Variants in XK observed in about 807,000 individuals in gnomAD.
XK encodes the protein endoplasmic reticulum membrane adapter protein XK.
Under a neutral mutation model 14.0 loss-of-function variants are expected in XK, and 2 were observed. The observed-to-expected ratio is 0.14, with a 90% CI of 0.06 to 0.45. XK has a LOEUF of 0.45. Among genes scored for constraint, XK ranks in the 20% least tolerant of loss-of-function variants. The pLI is 0.98. For missense variants in XK, 235 were observed against 341.5 expected, an observed-to-expected ratio of 0.69 and a Z score of 2.46; for synonymous variants, 149 against 147.5, an observed-to-expected ratio of 1.01 and a Z score of -0.08.
intron 2 of XK, among the ~76,000 whole-genome samples, chrX:37,713,399 C>T (rs1927704177): frequency 9.0e-6 from 1 of 111,606 alleles, no homozygotes; most frequent in Non-Finnish European, 1.9e-5. Context: ...ATCATTTTTG[C>T]TTGATCCTAT....
chrX:37,728,676 A>G lies in XK; in HGVS notation c.*214A>G. ...TGTTGAAGGGGCAACCCAAGGCATCACAGTTCACAGGTAACCATGTTGTGT... is the reference window on the plus strand; with the variant it reads ...TGTTGAAGGGGCAACCCAAGGCATCGCAGTTCACAGGTAACCATGTTGTGT... On this transcript the variant is annotated 3_prime_UTR_variant, in exon 3 of 3. Transcript: ENST00000378616. The G allele has an allele frequency of 2.3e-6, 1 of 437,692 alleles. No homozygotes were observed. Among genetic ancestry groups the G allele is most frequent in the Non-Finnish European group, 4.0e-6 (1 of 251,092 alleles). 36.1% of individuals were successfully genotyped at this position (437,692 alleles called of 1,213,427 possible).
chrX:37,706,794 T>C (rs1390316403), intron 2 of XK, among the ~76,000 whole-genome samples: 4 of 109,340 alleles, frequency 3.7e-5, no homozygotes, highest in Non-Finnish European at 5.7e-5. Flanking sequence ...TCTGCAGTGT[T>C]TGTGTCCCTG....
rs1928062422 is a variant in XK, at chrX:37,730,343, C to T, written c.*1881C>T. ...GTAATCACATATGTGCATAGATACA[C>T]AATCGTATTACATAAAACACCCTTG... On this transcript the variant is annotated 3_prime_UTR_variant, in exon 3 of 3. Coordinates refer to ENST00000378616, the MANE Select transcript of XK (RefSeq NM_021083.4). 1 of 112,273 alleles carries T rather than the reference C, an allele frequency of 8.9e-6. No homozygotes were observed. Among genetic ancestry groups the T allele is most frequent in the Non-Finnish European group, 1.9e-5 (1 of 53,224 alleles). The allele number at this position is 112,273 out of a possible 1,213,427, so 9.3% of individuals were successfully genotyped here. A position where few individuals can be genotyped will look rare whatever the true frequency, so the allele number is the denominator to read the frequency against.
At chrX:37,710,811 A>T (rs1310570562) in intron 2 of XK, among the ~76,000 whole-genome samples, 1 of 112,210 alleles carries the variant, frequency 8.9e-6, no homozygotes, top group African/African-American at 3.2e-5. Flanking sequence ...GACTTGTCAG[A>T]TAGCCTATAT....
chrX:37,702,628 C>T (rs1556444097), intron 2 of XK, among the ~76,000 whole-genome samples: 1 of 111,875 alleles, frequency 8.9e-6, no homozygotes, highest in Admixed American at 9.4e-5. Context: ...CTAGCTACTG[C>T]ACCATGAAGA....
chrX:37,721,984 C>G (rs782063874), intron 2 of XK, among the ~76,000 whole-genome samples: 76 of 110,938 alleles, frequency 6.9e-4, no homozygotes, highest in African/African-American at 2.4e-3. Flanking sequence ...ATATGAAAGT[C>G]CAGAATAGGG....
chrX:37,722,465 C>T (rs1569475218), intron 2 of XK, among the ~76,000 whole-genome samples: 1 of 111,090 alleles, frequency 9.0e-6, no homozygotes. Flanking sequence ...GGCTCCAGAT[C>T]GTAAGAAAGA....
chrX:37,693,564 C>T (rs1313447161), intron 1 of XK, among the ~76,000 whole-genome samples: 1 of 106,343 alleles, frequency 9.4e-6, no homozygotes, highest in Non-Finnish European at 1.9e-5. Context: ...CATATTTTTA[C>T]CTAGAGAGGA....
At chrX:37,688,059 C>CTTTTTTT in intron 1 of XK, among the ~76,000 whole-genome samples, 1 of 54,662 alleles carries the variant, frequency 1.8e-5, no homozygotes, top group Non-Finnish European at 3.2e-5. Context: ...TTCTTTCTTT[C>CTTTTTTT]TTTTTTTTTT....
chrX:37,712,138 GC>G (rs1208335183), intron 2 of XK, among the ~76,000 whole-genome samples: 1 of 111,016 alleles, frequency 9.0e-6, no homozygotes, highest in African/African-American at 3.3e-5. Context: ...GTATTTGGGG[GC>G]AGGCTGAATA....
rs1928098652 is a variant in XK, at chrX:37,731,923, T to C, written c.*3461T>C. ...TTTCAGCCTTGTAAATGGGAAAATA[T>C]ATATTAAAATTGATTGTCAAATACA... is the stretch of plus-strand genomic sequence containing the variant. On this transcript the variant is annotated 3_prime_UTR_variant, in exon 3 of 3. Transcript: ENST00000378616. 2 of 112,117 alleles carry C rather than the reference T, an allele frequency of 1.8e-5. No individual in the cohort carries two copies. Among genetic ancestry groups the C allele is most frequent in the South Asian group, 3.7e-4 (1 of 2,699 alleles). 9.2% of individuals were successfully genotyped at this position (112,117 alleles called of 1,213,427 possible).
intron 1 of XK, among the ~76,000 whole-genome samples, chrX:37,688,356 G>T (rs920566469): frequency 2.1e-4 from 23 of 111,189 alleles, no homozygotes; most frequent in African/African-American, 7.2e-4. Context: ...GTGAGCCACC[G>T]TGCCCGGCCT....
chrX:37,703,425 G>C (rs1216424895), intron 2 of XK, among the ~76,000 whole-genome samples: 2 of 112,298 alleles, frequency 1.8e-5, no homozygotes, highest in Admixed American at 1.9e-4. Context: ...CATGAAAGGA[G>C]AGGCAGAACT....
At position 37,728,816 on chromosome X, in the gene XK, A is replaced by G. The variant is rs992826285; in HGVS notation, c.*354A>G. The G allele has an allele frequency of 5.1e-6, 1 of 196,351 alleles. No individual in the cohort carries two copies. Among genetic ancestry groups the G allele is most frequent in the Non-Finnish European group, 9.4e-6 (1 of 105,952 alleles). 16.2% of individuals were successfully genotyped at this position (196,351 alleles called of 1,213,427 possible). ...GGGCTTACCTGTTCTCTAGTTTTCC[A>G]GACTGCTGGTTTGGGTAACCTGAAG... is the stretch of plus-strand genomic sequence containing the variant. On this transcript the variant is annotated 3_prime_UTR_variant, in exon 3 of 3. Transcript: ENST00000378616.
intron 2 of XK, among the ~76,000 whole-genome samples, chrX:37,698,543 CAAAAAAAAAA>C (rs35497516): frequency 2.2e-4 from 6 of 26,990 alleles, no homozygotes; most frequent in East Asian, 1.2e-3. Context: ...GACCTTGCCT[CAAAAAAAAAA>C]AAAAAAAAAA....
chrX:37,707,979 G>A (rs1173609269), intron 2 of XK, among the ~76,000 whole-genome samples: 5 of 112,781 alleles, frequency 4.4e-5, no homozygotes, highest in East Asian at 5.6e-4. Flanking sequence ...CAAGGCTGGC[G>A]GATCACTCGC....
At chrX:37,710,631 T>C (rs1254726150) in intron 2 of XK, among the ~76,000 whole-genome samples, 1 of 110,910 alleles carries the variant, frequency 9.0e-6, no homozygotes, top group African/African-American at 3.3e-5. Context: ...CCTCCGTCTC[T>C]ACTAAAAATA....
intron 2 of XK, among the ~76,000 whole-genome samples, chrX:37,717,124 G>A (rs1030987983): frequency 8.9e-6 from 1 of 111,795 alleles, no homozygotes; most frequent in Non-Finnish European, 1.9e-5. Context: ...CTCAAAGTAC[G>A]CTTGGTGGAT....
At chrX:37,719,965 A>C (rs1263279961) in intron 2 of XK, among the ~76,000 whole-genome samples, 4 of 111,188 alleles carry the variant, frequency 3.6e-5, no homozygotes, top group African/African-American at 1.3e-4. Flanking sequence ...ATGCAGATCA[A>C]CTTGACTCAG....
Sources: allele counts gnomAD v4.1 joint callset (sites outside exome capture counted in the v4.1 genomes callset), GRCh38; gene constraint gnomAD v4.1.1; transcripts MANE v1.5; gene names NCBI Gene and HGNC (gene_info 2026-07-23, HGNC 2026-07-21).